The following SELPLG variants were observed in gnomAD, a reference collection of about 807,000 sequenced individuals.
SELPLG encodes the protein P-selectin glycoprotein ligand 1.
A neutral mutation model predicts 1.1 loss-of-function variants in SELPLG; 2 were observed. The ratio of observed to expected loss-of-function variants is 1.82; its 90% CI spans 0.74 to 5.71. The LOEUF (loss-of-function observed/expected upper bound fraction) is 5.71. Ranked by LOEUF, SELPLG falls within the 30% of genes most tolerant of loss-of-function variation. The pLI, the probability that SELPLG is intolerant of heterozygous loss-of-function variation, is 0.05. For missense variants in SELPLG, 478 were observed against 524.7 expected, an observed-to-expected ratio of 0.91 and a Z score of 0.87; for synonymous variants, 230 against 221.2, an observed-to-expected ratio of 1.04 and a Z score of -0.35.
chr12:108,625,504 A>T (rs966692791), intron 1 of SELPLG, among the ~76,000 whole-genome samples: 8 of 152,214 alleles, frequency 5.3e-5, no homozygotes, highest in African/African-American at 1.9e-4. Flanking sequence ...GTCAACCTGC[A>T]CTATAAGTCT....
chr12:108,623,067 A>T lies in SELPLG; in HGVS notation c.*2T>A. 6.7e-7 allele frequency: 1 copy of T among 1,487,692 alleles called. No individual in the cohort carries two copies. The highest frequency in any genetic ancestry group is 1.4e-5 in the African/African-American group (1 of 71,408). The allele number at this position is 1,487,692 out of a possible 1,614,324, so 92.2% of individuals were successfully genotyped here. On this transcript the variant is annotated 3_prime_UTR_variant, in exon 2 of 2. Coordinates refer to ENST00000550948, the MANE Select transcript of SELPLG (RefSeq NM_003006.4). ...TCTTGCCAAAACAGATGGCAGAGTG[A>T]GCTAAGGGAGGAAGCTGTGCAGGGT...
intron 1 of SELPLG, among the ~76,000 whole-genome samples, chr12:108,630,198 C>A: frequency 6.6e-6 from 1 of 152,194 alleles, no homozygotes; most frequent in East Asian, 1.9e-4. Flanking sequence ...TTGCCTCTTT[C>A]GCCCTAAAAC....
chr12:108,625,465 C>G (rs544372086), intron 1 of SELPLG, among the ~76,000 whole-genome samples: 1 of 152,304 alleles, frequency 6.6e-6, no homozygotes, highest in East Asian at 1.9e-4. Context: ...ACAACCTCTC[C>G]GCAAAGACTG....
At chr12:108,631,915 T>C in intron 1 of SELPLG, 1 of 1,535,528 alleles carries the variant, frequency 6.5e-7, no homozygotes, top group East Asian at 2.4e-5. Flanking sequence ...CCTGTTCAAG[T>C]TCAGCAAAGG....
intron 1 of SELPLG, among the ~76,000 whole-genome samples, chr12:108,631,205 A>G (rs1299881989): frequency 6.6e-6 from 1 of 152,176 alleles, no homozygotes; most frequent in Non-Finnish European, 1.5e-5. Context: ...CTCAACTCAC[A>G]TCAGGGAGTC....
rs2031857768 is a variant in SELPLG, at chr12:108,623,295, G to C, written c.1013C>G (p.Thr338Ser). Residue 338 changes from threonine (T) to serine (S), a missense_variant, in exon 2 of 2, where the codon ACT (threonine) becomes AGT (serine). Physicochemically the swap from Thr to Ser is moderately conservative, Grantham distance 58. Transcript: ENST00000550948. ...ALVATIFFVC[T>S]VVLAVRLSRK... The stretch of plus-strand genomic sequence containing the variant: ...GGAGAGGCGGACCGCCAGCACCACA[G>C]TGCACACGAAGAAGATAGTGGCCAC... 6.2e-7 allele frequency: 1 copy of C among 1,614,248 alleles called. No homozygotes were observed.
Position 108,622,257 on chromosome 12 carries a change from C to G in SELPLG, c.*812G>C, listed in dbSNP as rs1001479524. On this transcript the variant is annotated 3_prime_UTR_variant, in exon 2 of 2. Coordinates refer to ENST00000550948, the MANE Select transcript of SELPLG (RefSeq NM_003006.4). ...TGCCTGAAGGAGACAGCCTTGAAAC[C>G]TTGAAGGATTCCGCTATCGTTTGTC... 5.9e-5 allele frequency: 9 copies of G among 152,368 alleles called. No individual in the cohort carries two copies. The highest frequency in any genetic ancestry group is 2.2e-4 in the African/African-American group (9 of 41,570). 9.4% of individuals were successfully genotyped at this position (152,368 alleles called of 1,614,324 possible).
rs779200540 is a variant in SELPLG, at chr12:108,624,193, C to G, written c.115G>C (p.Asp39His). 1.2e-6 allele frequency: 2 copies of G among 1,614,194 alleles called. No homozygotes were observed. The highest frequency in any genetic ancestry group is 2.2e-5 in the South Asian group (2 of 91,076). The change falls in exon 2 of 2, where the codon GAC becomes CAC. Residue 39 changes from aspartate to histidine, a missense_variant. Physicochemically the swap from Asp to His is moderately conservative, Grantham distance 81 (BLOSUM62 -1). Coordinates refer to ENST00000550948, the MANE Select transcript of SELPLG (RefSeq NM_003006.4). The part of the protein sequence containing the change: ...EKALGPLLAR[D>H]RRQATEYEYL... Reference sequence around the variant, plus strand: ...TCATATTCGGTGGCCTGTCTCCGGTCCCGGGCAAGCAGGGGACCCAAGGCT... The same window carrying G: ...TCATATTCGGTGGCCTGTCTCCGGTGCCGGGCAAGCAGGGGACCCAAGGCT...
intron 1 of SELPLG, among the ~76,000 whole-genome samples, chr12:108,632,392 GT>G (rs1565891108): frequency 0.11 from 1,643 of 14,316 alleles, 29 homozygotes; most frequent in Middle Eastern, 0.33. Flanking sequence ...AATATGGGGT[GT>G]GTGTGTGTGT....
rs1223170246 is a variant in SELPLG at position 108,622,796 on chromosome 12, T to G, written c.*273A>C. The G allele has an allele frequency of 1.2e-5, 5 of 426,964 alleles. No individual in the cohort carries two copies. Among genetic ancestry groups the G allele is most frequent in the Non-Finnish European group, 2.1e-5 (5 of 240,532 alleles). 26.4% of individuals were successfully genotyped at this position (426,964 alleles called of 1,614,324 possible). A position where few individuals can be genotyped will look rare whatever the true frequency, so the allele number is the denominator to read the frequency against. Reference sequence around the variant, plus strand: ...GGGGGACAGGAAAAAGGAGAGAATCTGTCTCAAGTAAATGGCCTCCTGCCT... The same window carrying G: ...GGGGGACAGGAAAAAGGAGAGAATCGGTCTCAAGTAAATGGCCTCCTGCCT... On this transcript the variant is annotated 3_prime_UTR_variant, in exon 2 of 2. Transcript: ENST00000550948.
intron 1 of SELPLG, among the ~76,000 whole-genome samples, chr12:108,628,318 A>AACACACACACACACACACACACAC (rs57432345): frequency 2.1e-5 from 3 of 140,206 alleles, no homozygotes; most frequent in African/African-American, 8.1e-5. Flanking sequence ...TAATAAATGT[A>AACACACACACACACACACACACAC]ACACACACAC....
intron 1 of SELPLG, among the ~76,000 whole-genome samples, chr12:108,633,202 G>A (rs943773050): frequency 6.6e-6 from 1 of 152,176 alleles, no homozygotes; most frequent in Non-Finnish European, 1.5e-5. Context: ...ACTGGCCAGG[G>A]AGGGAAGTAA....
intron 1 of SELPLG, among the ~76,000 whole-genome samples, chr12:108,628,459 T>A (rs1166088404): frequency 6.6e-6 from 1 of 152,058 alleles, no homozygotes; most frequent in Non-Finnish European, 1.5e-5. Context: ...TGGCCCCACT[T>A]TCCTGGAGGC....
Position 108,622,062 on chromosome 12 carries a change from A to C in SELPLG, c.*1007T>G, listed in dbSNP as rs1230556482. Among the ~76,000 whole-genome samples the C allele has an allele frequency of 6.6e-6, 1 of 152,142 alleles. No individual in the cohort carries two copies. The highest frequency in any genetic ancestry group is 2.4e-5 in the African/African-American group (1 of 41,428). On this transcript the variant is annotated 3_prime_UTR_variant, in exon 2 of 2. Transcript: ENST00000550948. ...CTCCCTTTGGCCCCCCATAGCCTGA[A>C]CTTTTCCTGGTCACCCAAGGATGTA... is the stretch of plus-strand genomic sequence containing the variant.
At chr12:108,632,508 A>G (rs567454608) in intron 1 of SELPLG, among the ~76,000 whole-genome samples, 1 of 151,762 alleles carries the variant, frequency 6.6e-6, no homozygotes, top group Non-Finnish European at 1.5e-5. Flanking sequence ...CAAACTAATA[A>G]GAGTATTCTA....
At chr12:108,625,714 A>G (rs1306381220) in intron 1 of SELPLG, among the ~76,000 whole-genome samples, 4 of 152,146 alleles carry the variant, frequency 2.6e-5, no homozygotes, top group African/African-American at 9.7e-5. Context: ...CATCTCATTG[A>G]TCTTTCTTCT....
Position 108,622,894 on chromosome 12 carries a change from C to A in SELPLG, c.*175G>T, listed in dbSNP as rs890540695. On this transcript the variant is annotated 3_prime_UTR_variant, in exon 2 of 2. Coordinates refer to ENST00000550948, the MANE Select transcript of SELPLG (RefSeq NM_003006.4). ...AGAGGTGGCTCCACTTGCCCGTCTG[C>A]TTGGCCCCAGGCTGCTCTTGTCCTG... 1 of 587,998 alleles carries A rather than the reference C, an allele frequency of 1.7e-6. No individual in the cohort carries two copies. Among genetic ancestry groups the A allele is most frequent in the Non-Finnish European group, 2.8e-6 (1 of 362,352 alleles). The allele number at this position is 587,998 out of a possible 1,614,324, so 36.4% of individuals were successfully genotyped here. A position where few individuals can be genotyped will look rare whatever the true frequency, so the allele number is the denominator to read the frequency against.
At position 108,621,907 on chromosome 12, in the gene SELPLG, T is replaced by G. The variant is rs2031829808; in HGVS notation, c.*1162A>C. ...GCTCCCAGTCCCATTTTTTTTTTTC[T>G]TTAACAGGAGGATAGATTGATGTTT... On this transcript the variant is annotated 3_prime_UTR_variant, in exon 2 of 2. Coordinates refer to ENST00000550948, the MANE Select transcript of SELPLG (RefSeq NM_003006.4). 1.3e-5 allele frequency among the ~76,000 whole-genome samples: 2 copies of G among 151,960 alleles called. No individual in the cohort carries two copies. The highest frequency in any genetic ancestry group is 1.3e-4 in the Admixed American group (2 of 15,260).
At position 108,623,221 on chromosome 12, in the gene SELPLG, C is replaced by A. The variant is rs761142003; in HGVS notation, c.1087G>T (p.Val363Phe). 1 of 1,614,094 alleles carries A rather than the reference C, an allele frequency of 6.2e-7. No homozygotes were observed. Among genetic ancestry groups the A allele is most frequent in the Admixed American group, 1.7e-5 (1 of 60,020 alleles). ...PVRNYSPTEM[V>F]CISSLLPDGG... ...TCAGGCAACAGGGATGAGATGCAGA[C>A]CATCTCGGTGGGGGAGTAATTACGC... is the stretch of plus-strand genomic sequence containing the variant. Residue 363 changes from valine (V) to phenylalanine (F), a missense_variant, in exon 2 of 2, where the codon GTC becomes TTC. Val to Phe is a conservative substitution (Grantham distance 50). Coordinates refer to ENST00000550948, the MANE Select transcript of SELPLG (RefSeq NM_003006.4).
Sources: allele counts gnomAD v4.1 joint callset (sites outside exome capture counted in the v4.1 genomes callset), GRCh38; gene constraint gnomAD v4.1.1; transcripts MANE v1.5; gene names NCBI Gene and HGNC (gene_info 2026-07-23, HGNC 2026-07-21).